The following PCDHGA1 variants were observed in gnomAD, a reference collection of about 807,000 sequenced individuals.
PCDHGA1 encodes the protein protocadherin gamma-A1.
A neutral mutation model predicts 58.0 loss-of-function variants in PCDHGA1; 32 were observed. The ratio of observed to expected loss-of-function variants is 0.55; its 90% CI spans 0.42 to 0.74. The LOEUF is 0.74. Ranked by LOEUF, PCDHGA1 falls within the 30% of genes least tolerant of loss-of-function variation. The probability of loss-of-function intolerance (pLI) is 0.00; values close to 1 mark genes in which losing one functional copy is unlikely to be tolerated. For synonymous variants in PCDHGA1, 498 were observed against 501.1 expected, an observed-to-expected ratio of 0.99 and a Z score of 0.08; for missense variants, 1,205 against 1,182.3, an observed-to-expected ratio of 1.02 and a Z score of -0.28.
At chr5:141,370,922 G>A (rs563952977) in intron 1 of PCDHGA1, 14 of 1,613,978 alleles carry the variant, frequency 8.7e-6, no homozygotes, top group South Asian at 5.5e-5. Flanking sequence ...GCCCTGATCC[G>A]CACTTCTCTT....
At chr5:141,342,115 T>G (rs1435625635) in intron 1 of PCDHGA1, 2 of 152,196 alleles carry the variant, frequency 1.3e-5, no homozygotes, top group Non-Finnish European at 2.9e-5. Flanking sequence ...TTCTCCTTTT[T>G]TTTTATCTTT....
chr5:141,352,443 G>A (rs1243553621), intron 1 of PCDHGA1: 1 of 1,613,910 alleles, frequency 6.2e-7, no homozygotes, highest in African/African-American at 1.3e-5. Context: ...ACCGGTCTCT[G>A]CTCCAAGTCT....
At position 141,493,887 on chromosome 5, in the gene PCDHGA1, G is replaced by C. The variant is rs760575047; in HGVS notation, c.2422-920G>C. On this transcript the variant is annotated intron_variant, in intron 1 of 3. Transcript: ENST00000517417. This position sits in a 1 kb window ranked among gnomAD's most constrained non-coding sequence, Gnocchi z 4.3. Reference sequence around the variant, plus strand: ...AGAACCAGTGAGGAGGTGGCTCTAGGAGTGCTCCATGAGAGTGTGTGATGG... The same window carrying C: ...AGAACCAGTGAGGAGGTGGCTCTAGCAGTGCTCCATGAGAGTGTGTGATGG... Among the ~76,000 whole-genome samples, 11 of 152,184 alleles carry C rather than the reference G, an allele frequency of 7.2e-5. No homozygotes were observed. Among genetic ancestry groups the C allele is most frequent in the Non-Finnish European group, 1.2e-4 (8 of 68,026 alleles).
At chr5:141,350,897 G>A (rs748000231) in intron 1 of PCDHGA1, 1 of 1,614,028 alleles carries the variant, frequency 6.2e-7, no homozygotes, top group Admixed American at 1.7e-5. Context: ...GACTGCCATG[G>A]ATGGCGGGGA....
chr5:141,505,633 A>C, intron 3 of PCDHGA1, 152 bp downstream of exon 3: 3 of 1,471,286 alleles, frequency 2.0e-6, no homozygotes, highest in South Asian at 1.3e-5. Context: ...TCCAAACATA[A>C]AGCCTGGAAT....
chr5:141,422,898 C>T (rs2096684110), intron 1 of PCDHGA1: 2 of 1,614,250 alleles, frequency 1.2e-6, no homozygotes, highest in Middle Eastern at 1.6e-4. Flanking sequence ...TGGACCAGAA[C>T]GACAATGCGC....
At chr5:141,403,276 C>T (rs1331205396) in intron 1 of PCDHGA1, 3 of 1,613,844 alleles carry the variant, frequency 1.9e-6, no homozygotes, top group Non-Finnish European at 2.5e-6. Context: ...ACTTTAAAGT[C>T]CTGGTTGAAG....
chr5:141,357,261 G>GAGATAGAGT, intron 1 of PCDHGA1: 2 of 1,613,714 alleles, frequency 1.2e-6, no homozygotes, highest in East Asian at 4.5e-5. Flanking sequence ...CAGACGACTC[G>GAGATAGAGT]GGCCTCACAC....
chr5:141,350,906 G>A (rs868300489), intron 1 of PCDHGA1: 5 of 1,613,858 alleles, frequency 3.1e-6, no homozygotes, highest in African/African-American at 1.3e-5. Flanking sequence ...GGATGGCGGG[G>A]ACCCGCCTCT....
At chr5:141,355,957 G>C in intron 1 of PCDHGA1, 1 of 1,613,890 alleles carries the variant, frequency 6.2e-7, no homozygotes, top group Non-Finnish European at 8.5e-7. Context: ...AAGTGTTCGT[G>C]AGAACGTTCC....
intron 1 of PCDHGA1, chr5:141,374,760 C>T (rs1255992375): frequency 6.2e-7 from 1 of 1,613,440 alleles, no homozygotes; most frequent in South Asian, 1.1e-5. Context: ...TCAAGCGTCG[C>T]CCAAATTCTG....
intron 1 of PCDHGA1, chr5:141,361,630 C>T (rs1174960250): frequency 1.2e-6 from 2 of 1,613,914 alleles, no homozygotes; most frequent in South Asian, 1.1e-5. Context: ...CCTGAAGCCG[C>T]GGGAGATTTT....
chr5:141,348,789 G>T (rs1758180125), intron 1 of PCDHGA1, among the ~76,000 whole-genome samples: 2 of 152,184 alleles, frequency 1.3e-5, no homozygotes, highest in South Asian at 4.1e-4. Context: ...AAGTGAAAAG[G>T]TATCTTAAGA....
intron 1 of PCDHGA1, among the ~76,000 whole-genome samples, chr5:141,483,638 G>A (rs1159840764): frequency 1.4e-5 from 2 of 147,222 alleles, no homozygotes; most frequent in South Asian, 2.1e-4. Flanking sequence ...AGGTATAGAG[G>A]GGTGTGTGTT....
intron 1 of PCDHGA1, chr5:141,343,410 C>A: frequency 6.2e-6 from 6 of 972,146 alleles, no homozygotes; most frequent in Non-Finnish European, 7.3e-6. Flanking sequence ...TATCAAATAA[C>A]CCTGATAAAT....
intron 1 of PCDHGA1, among the ~76,000 whole-genome samples, chr5:141,483,084 C>CA (rs898059463): frequency 8.0e-5 from 12 of 150,326 alleles, no homozygotes; most frequent in Admixed American, 2.0e-4. Context: ...GACTCCATCT[C>CA]AAAAAAAAAG....
intron 1 of PCDHGA1, chr5:141,350,650 CG>C (rs1758529632): frequency 6.2e-7 from 1 of 1,613,902 alleles, no homozygotes; most frequent in Admixed American, 1.7e-5. Context: ...CACCACGTTT[CG>C]TTGCAAAAGG....
chr5:141,469,517 G>A (rs1416478511), intron 1 of PCDHGA1, among the ~76,000 whole-genome samples: 1 of 152,198 alleles, frequency 6.6e-6, no homozygotes, highest in Non-Finnish European at 1.5e-5. Flanking sequence ...GGAGGTTGCA[G>A]TGAGCCAAGA....
intron 1 of PCDHGA1, among the ~76,000 whole-genome samples, chr5:141,381,021 A>C (rs1337045827): frequency 6.6e-6 from 1 of 152,244 alleles, no homozygotes; most frequent in Non-Finnish European, 1.5e-5. Context: ...TACCTCTATT[A>C]GTTCCTTTAA....
Sources: allele counts gnomAD v4.1 joint callset (sites outside exome capture counted in the v4.1 genomes callset), GRCh38; gene constraint gnomAD v4.1.1; non-coding constraint Gnocchi (gnomAD v3.1); transcripts MANE v1.5; gene names NCBI Gene and HGNC (gene_info 2026-07-23, HGNC 2026-07-21).